The following GALNT10 variants were observed in gnomAD, a reference collection of about 807,000 sequenced individuals.
GALNT10 encodes the protein GalNAc transferase 10.
Under a neutral mutation model 75.0 loss-of-function variants are expected in GALNT10, and 41 were observed. The ratio of observed to expected loss-of-function variants is 0.55; its 90% CI spans 0.43 to 0.71. The LOEUF (loss-of-function observed/expected upper bound fraction) is 0.71, where lower values mean the gene tolerates loss of function less well. Among genes scored for constraint, GALNT10 ranks in the 30% least tolerant of loss-of-function variants. The pLI is 0.00. For missense variants in GALNT10, 727 were observed against 818.5 expected (o/e 0.89, Z 1.36); for synonymous variants, 302 against 313.0 (o/e 0.96, Z 0.37).
At chr5:154,202,718 C>G (rs531639366) in intron 1 of GALNT10, among the ~76,000 whole-genome samples, 1 of 152,216 alleles carries the variant, frequency 6.6e-6, no homozygotes, top group Admixed American at 6.5e-5. Flanking sequence ...TCTTGGCACA[C>G]GAGCAGAGTC....
chr5:154,387,795 C>T (rs1469560996), intron 7 of GALNT10: 1 of 147,136 alleles, frequency 6.8e-6, no homozygotes, highest in Non-Finnish European at 1.5e-5. Flanking sequence ...TAGTTCAGAA[C>T]TGGAGAACAT....
intron 4 of GALNT10, among the ~76,000 whole-genome samples, chr5:154,356,844 C>A (rs541427632): frequency 6.6e-6 from 1 of 152,192 alleles, no homozygotes; most frequent in Admixed American, 6.5e-5. Flanking sequence ...TTGAGGGACC[C>A]GTTATCATGC....
chr5:154,331,044 T>G (rs1754856004), intron 4 of GALNT10, among the ~76,000 whole-genome samples: 1 of 152,140 alleles, frequency 6.6e-6, no homozygotes. Flanking sequence ...TTCCTTCCTT[T>G]TCCTTACCAC....
At chr5:154,242,366 G>T (rs183988646) in intron 1 of GALNT10, among the ~76,000 whole-genome samples, 4 of 152,062 alleles carry the variant, frequency 2.6e-5, no homozygotes, top group Non-Finnish European at 5.9e-5. Context: ...GCATTTTAAG[G>T]TTTCTAGGGT....
chr5:154,353,295 C>G (rs1176252514), intron 4 of GALNT10, among the ~76,000 whole-genome samples: 1 of 152,210 alleles, frequency 6.6e-6, no homozygotes, highest in Middle Eastern at 3.4e-3. Context: ...GACACCACCC[C>G]CCGCAAAACG....
intron 1 of GALNT10, among the ~76,000 whole-genome samples, chr5:154,252,470 C>T (rs189020332): frequency 2.0e-5 from 3 of 152,184 alleles, no homozygotes; most frequent in Non-Finnish European, 2.9e-5. Flanking sequence ...TTCACTTTTT[C>T]TTTCCTTGCG....
At chr5:154,299,742 C>T (rs937935918) in intron 3 of GALNT10, among the ~76,000 whole-genome samples, 7 of 152,134 alleles carry the variant, frequency 4.6e-5, no homozygotes, top group African/African-American at 1.4e-4. Context: ...CCCAAAGATG[C>T]CTGACAGCGA....
chr5:154,204,869 A>C (rs987829998), intron 1 of GALNT10, among the ~76,000 whole-genome samples: 2 of 152,258 alleles, frequency 1.3e-5, no homozygotes, highest in Admixed American at 6.5e-5. Context: ...TCTCTGCTCC[A>C]GTAGATACTA....
At chr5:154,394,079 T>G (rs1452255667) in intron 7 of GALNT10, among the ~76,000 whole-genome samples, 1 of 151,998 alleles carries the variant, frequency 6.6e-6, no homozygotes. Context: ...TGGAGATTGG[T>G]CTGAGGGTTC....
chr5:154,318,178 TC>T (rs1754626001), intron 3 of GALNT10, among the ~76,000 whole-genome samples: 1 of 152,164 alleles, frequency 6.6e-6, no homozygotes, highest in Non-Finnish European at 1.5e-5. Flanking sequence ...TGTAGGAGAT[TC>T]CCCAAGGAAA....
At chr5:154,200,971 G>GTT (rs11428195) in intron 1 of GALNT10, among the ~76,000 whole-genome samples, 4 of 151,786 alleles carry the variant, frequency 2.6e-5, no homozygotes, top group African/African-American at 4.8e-5. Flanking sequence ...ACTAATTTCT[G>GTT]TTTTTTTTGT....
chr5:154,391,518 C>T (rs1755896482), intron 7 of GALNT10, among the ~76,000 whole-genome samples: 1 of 152,210 alleles, frequency 6.6e-6, no homozygotes, highest in Non-Finnish European at 1.5e-5. Flanking sequence ...CAGAATCTTC[C>T]TAGTTCTAGT....
intron 1 of GALNT10, among the ~76,000 whole-genome samples, chr5:154,231,300 T>C (rs1297480351): frequency 1.3e-5 from 2 of 152,196 alleles, no homozygotes; most frequent in Non-Finnish European, 1.5e-5. Flanking sequence ...TTGTTTGCCT[T>C]CTTGGTTGGT....
At chr5:154,311,298 C>A (rs575108139) in intron 3 of GALNT10, among the ~76,000 whole-genome samples, 2 of 152,232 alleles carry the variant, frequency 1.3e-5, no homozygotes, top group South Asian at 4.2e-4. Context: ...CTTACTTGTT[C>A]CTATTCAGAA....
At chr5:154,300,868 G>T (rs967414296) in intron 3 of GALNT10, among the ~76,000 whole-genome samples, 1 of 152,186 alleles carries the variant, frequency 6.6e-6, no homozygotes, top group African/African-American at 2.4e-5. Flanking sequence ...AAGGCCTTCC[G>T]GAGGGGTGCT....
chr5:154,255,082 G>A (rs1753585665), intron 1 of GALNT10, among the ~76,000 whole-genome samples: 2 of 152,200 alleles, frequency 1.3e-5, no homozygotes, highest in Middle Eastern at 3.4e-3. Flanking sequence ...GACTCTCAAA[G>A]TGCTGGGATA....
intron 3 of GALNT10, among the ~76,000 whole-genome samples, chr5:154,299,262 C>T (rs1754327155): frequency 6.6e-6 from 1 of 152,202 alleles, no homozygotes; most frequent in Non-Finnish European, 1.5e-5. Flanking sequence ...AAGGGTCCAG[C>T]AATCAGTGTT....
intron 1 of GALNT10, among the ~76,000 whole-genome samples, chr5:154,211,513 T>C (rs534491589): frequency 6.6e-6 from 1 of 152,354 alleles, no homozygotes; most frequent in South Asian, 2.1e-4. Context: ...TGTTGTCTGC[T>C]TGCTGTTAAA....
chr5:154,291,569 A>G (rs1210684572), intron 1 of GALNT10, among the ~76,000 whole-genome samples: 2 of 152,086 alleles, frequency 1.3e-5, no homozygotes, highest in African/African-American at 4.8e-5. Flanking sequence ...GGCCACTTCT[A>G]ATATCTTCTT....
Sources: gnomAD v4.1 joint callset for allele counts (sites outside exome capture counted in the v4.1 genomes callset) on GRCh38, gnomAD v4.1.1 for gene constraint, MANE v1.5 for transcripts, NCBI Gene and HGNC (gene_info 2026-07-23, HGNC 2026-07-21) for gene names.